MEMO1: variants seen among roughly 807,000 people sequenced by gnomAD.
MEMO1 encodes protein MEMO1.
In MEMO1, 6 loss-of-function variants were observed where a neutral mutation model predicts 45.2. That is an observed-to-expected ratio of 0.13 (90% CI 0.07 to 0.26). MEMO1 has a LOEUF of 0.26. Among genes scored for constraint, MEMO1 ranks in the 10% least tolerant of loss-of-function variants. The pLI, the probability that MEMO1 is intolerant of heterozygous loss-of-function variation, is 1.00. For synonymous variants in MEMO1, 78 were observed against 124.3 expected, an observed-to-expected ratio of 0.63 and a Z score of 2.48; for missense variants, 184 against 370.5, an observed-to-expected ratio of 0.50 and a Z score of 4.13.
intron 6 of MEMO1, among the ~76,000 whole-genome samples, chr2:31,915,636 A>T (rs1681333095): frequency 6.6e-6 from 1 of 152,148 alleles, no homozygotes; most frequent in African/African-American, 2.4e-5. Flanking sequence ...AAAAAGTCCT[A>T]CTTGAAGAAC....
At chr2:31,964,633 G>A (rs533730126) in intron 2 of MEMO1, among the ~76,000 whole-genome samples, 21 of 152,216 alleles carry the variant, frequency 1.4e-4, no homozygotes, top group African/African-American at 4.8e-4. Flanking sequence ...CCTGGGAGGC[G>A]GAGGTTGCGG....
chr2:31,958,973 A>G (rs527500486), intron 2 of MEMO1, among the ~76,000 whole-genome samples: 1 of 152,184 alleles, frequency 6.6e-6, no homozygotes, highest in Non-Finnish European at 1.5e-5. Flanking sequence ...ACAAAGTTAG[A>G]CTAGAACTGT....
intron 2 of MEMO1, among the ~76,000 whole-genome samples, chr2:31,981,383 A>C (rs140999722): frequency 2.6e-5 from 4 of 152,350 alleles, no homozygotes; most frequent in African/African-American, 4.8e-5. Context: ...TCCACTACTT[A>C]AGGTAACTTA....
At chr2:31,897,989 T>G (rs916334208) in intron 6 of MEMO1, among the ~76,000 whole-genome samples, 1 of 152,046 alleles carries the variant, frequency 6.6e-6, no homozygotes, top group Non-Finnish European at 1.5e-5. Flanking sequence ...CTAAATTTTC[T>G]AGTTTATTTG....
At chr2:31,945,135 G>T (rs1485387095) in intron 2 of MEMO1, among the ~76,000 whole-genome samples, 3 of 152,100 alleles carry the variant, frequency 2.0e-5, no homozygotes, top group Admixed American at 2.0e-4. Context: ...TCAATATACT[G>T]TACACAACCT....
chr2:31,951,786 T>C (rs978030523), intron 2 of MEMO1, among the ~76,000 whole-genome samples: 1 of 152,108 alleles, frequency 6.6e-6, no homozygotes, highest in Non-Finnish European at 1.5e-5. Flanking sequence ...CACCTCAGCA[T>C]CCCAAAGTGC....
At chr2:31,934,723 T>C (rs1664704952) in intron 3 of MEMO1, among the ~76,000 whole-genome samples, 1 of 152,182 alleles carries the variant, frequency 6.6e-6, no homozygotes, top group Non-Finnish European at 1.5e-5. Flanking sequence ...AAAAATGCTG[T>C]GAGCTCTTGG....
At chr2:32,001,066 T>A (rs67517941) in intron 2 of MEMO1, among the ~76,000 whole-genome samples, 2 of 131,448 alleles carry the variant, frequency 1.5e-5, no homozygotes, top group Non-Finnish European at 3.1e-5. Flanking sequence ...GAGACAGGAG[T>A]CTCGCTCTCT....
intron 2 of MEMO1, among the ~76,000 whole-genome samples, 158 bp from the exon 3 acceptor site, chr2:31,943,541 C>T (rs1471524910): frequency 6.6e-6 from 1 of 152,310 alleles, no homozygotes; most frequent in Admixed American, 6.5e-5. Context: ...TTACCAACTA[C>T]ACAGTCTCTA....
At chr2:31,887,657 G>C (rs7577579) in intron 7 of MEMO1, among the ~76,000 whole-genome samples, 17,181 of 152,144 alleles carry the variant, frequency 0.11, 1,021 homozygotes, top group Middle Eastern at 0.21. Flanking sequence ...ATACGATCAT[G>C]CTTTCAATCT....
intron 6 of MEMO1, among the ~76,000 whole-genome samples, chr2:31,902,542 T>C (rs1679018335): frequency 6.6e-6 from 1 of 152,166 alleles, no homozygotes; most frequent in Admixed American, 6.5e-5. Flanking sequence ...ATTACTATCC[T>C]AAGCCTCAAT....
intron 2 of MEMO1, among the ~76,000 whole-genome samples, chr2:31,985,415 T>C (rs1167187434): frequency 6.6e-6 from 1 of 152,198 alleles, no homozygotes; most frequent in South Asian, 2.1e-4. Context: ...AACCTCCACC[T>C]CCTGGGTTCA....
At chr2:31,877,358 C>T in intron 8 of MEMO1, among the ~76,000 whole-genome samples, 1 of 152,276 alleles carries the variant, frequency 6.6e-6, no homozygotes, top group East Asian at 1.9e-4. Context: ...TTGGCTGTCA[C>T]AATAATTTGA....
In MEMO1 at chr2:31,994,916, C is replaced by T. The variant is rs553825005; in HGVS notation, c.61+15271G>A. On this transcript the variant is annotated intron_variant, in intron 2 of 9. Transcript: ENST00000404530. ...TGAGCTGTGATTGTGCCAAGGCACT[C>T]GTGCCTTGCGGTGGGGGTGGAGGTA... Among the ~76,000 whole-genome samples the T allele has an allele frequency of 3.0e-4, 40 of 135,528 alleles. No individual in the cohort carries two copies. In the Admixed American group the frequency reaches 3.1e-3, roughly 10 times the overall value. 88.9% of individuals were successfully genotyped at this position (135,528 alleles called of 152,430 possible). A position where few individuals can be genotyped will look rare whatever the true frequency, so the allele number is the denominator to read the frequency against.
intron 1 of MEMO1, chr2:32,010,588 G>A (rs1188073633): frequency 6.7e-5 from 12 of 177,968 alleles, no homozygotes; most frequent in East Asian, 3.3e-4. Flanking sequence ...TGGTTCCGCC[G>A]AGCCGCCCCC....
At chr2:31,895,935 C>T (rs1004430604) in intron 6 of MEMO1, among the ~76,000 whole-genome samples, 4 of 151,138 alleles carry the variant, frequency 2.6e-5, no homozygotes, top group African/African-American at 4.9e-5. Context: ...CTCCGCCCCC[C>T]GGGGTTCACA....
chr2:31,907,006 C>T (rs1679853576), intron 6 of MEMO1, among the ~76,000 whole-genome samples: 1 of 152,226 alleles, frequency 6.6e-6, no homozygotes, highest in Non-Finnish European at 1.5e-5. Context: ...CCTTTTACAA[C>T]TCCTGCAAGT....
intron 2 of MEMO1, among the ~76,000 whole-genome samples, chr2:31,979,722 TA>T: frequency 6.6e-6 from 1 of 152,066 alleles, no homozygotes; most frequent in Non-Finnish European, 1.5e-5. Flanking sequence ...AAAAGCAAGC[TA>T]AAAACACCAT....
At chr2:31,888,581 A>G (rs1249086678) in intron 7 of MEMO1, among the ~76,000 whole-genome samples, 3 of 152,116 alleles carry the variant, frequency 2.0e-5, no homozygotes, top group African/African-American at 7.2e-5. Context: ...GAACTTAATA[A>G]GCACAAAAAG....
Sources: gnomAD v4.1 joint callset for allele counts (sites outside exome capture counted in the v4.1 genomes callset) on GRCh38, gnomAD v4.1.1 for gene constraint, MANE v1.5 for transcripts, NCBI Gene and HGNC (gene_info 2026-07-23, HGNC 2026-07-21) for gene names.